Variants in TMPRSS11A observed in about 807,000 individuals in gnomAD.
TMPRSS11A encodes transmembrane protease serine 11A.
TMPRSS11A carries 53 observed loss-of-function variants against 58.9 expected under a neutral mutation model. The observed-to-expected ratio is 0.90, with a 90% CI of 0.72 to 1.13. The LOEUF (loss-of-function observed/expected upper bound fraction) is 1.13. TMPRSS11A is among the 50% of genes most tolerant of loss of function. TMPRSS11A has a pLI of 0.00. For synonymous variants in TMPRSS11A, 167 were observed against 169.8 expected, an observed-to-expected ratio of 0.98 and a Z score of 0.13; for missense variants, 493 against 499.3, an observed-to-expected ratio of 0.99 and a Z score of 0.12.
intron 7 of TMPRSS11A, among the ~76,000 whole-genome samples, chr4:67,921,056 A>G (rs1251820350): frequency 6.6e-6 from 1 of 152,208 alleles, no homozygotes; most frequent in Non-Finnish European, 1.5e-5. Flanking sequence ...TGTTATATGA[A>G]TGAAGAAATA....
chr4:67,918,005 G>A (rs1020141324), intron 8 of TMPRSS11A, among the ~76,000 whole-genome samples: 1 of 152,122 alleles, frequency 6.6e-6, no homozygotes, highest in African/African-American at 2.4e-5. Context: ...TGGGACATCT[G>A]GAAAAAATCT....
intron 1 of TMPRSS11A, among the ~76,000 whole-genome samples, chr4:67,948,422 T>G (rs1171765824): frequency 6.6e-6 from 1 of 152,166 alleles, no homozygotes; most frequent in African/African-American, 2.4e-5. Flanking sequence ...CCTCCCAAAG[T>G]GCTGGGATTA....
At chr4:67,915,286 AG>A (rs1345251411) in intron 8 of TMPRSS11A, among the ~76,000 whole-genome samples, 2 of 152,170 alleles carry the variant, frequency 1.3e-5, no homozygotes, top group African/African-American at 2.4e-5. Context: ...ACTGTAAGCT[AG>A]GTTCTGAGTT....
intron 1 of TMPRSS11A, among the ~76,000 whole-genome samples, chr4:67,955,232 A>G (rs1721256659): frequency 6.6e-6 from 1 of 152,236 alleles, no homozygotes; most frequent in Non-Finnish European, 1.5e-5. Flanking sequence ...ATGCTGTTTA[A>G]TTAGTACAAT....
chr4:67,958,926 G>T (rs551186067), intron 1 of TMPRSS11A, among the ~76,000 whole-genome samples: 1 of 152,246 alleles, frequency 6.6e-6, no homozygotes, highest in South Asian at 2.1e-4. Flanking sequence ...GGTTTTATAA[G>T]AAGCTCTCTT....
At chr4:67,929,243 T>G (rs745520970) in intron 5 of TMPRSS11A, among the ~76,000 whole-genome samples, 1 of 152,084 alleles carries the variant, frequency 6.6e-6, no homozygotes, top group Non-Finnish European at 1.5e-5. Context: ...GCCATAGAGA[T>G]AGACCTTGAT....
intron 1 of TMPRSS11A, among the ~76,000 whole-genome samples, chr4:67,949,078 T>C (rs1398619051): frequency 6.6e-6 from 1 of 152,160 alleles, no homozygotes. Context: ...TCAAGTCATT[T>C]GAAAAGAAAA....
At position 67,911,342 on chromosome 4, in the gene TMPRSS11A, T is replaced by C; in HGVS notation, c.1257A>G (p.Ter419=). The change falls in exon 10 of 10, where the codon TAA becomes TAG. Residue 419 remains the stop codon, a stop_retained_variant. Transcript: ENST00000508048. ...TTCTTTGTTTAACTTTTATCGTGAA[T>C]TAGATGCCTGTTTTTGAAGCAATCC... ...RNWIASKTGI[*] 1 of 1,612,962 alleles carries C rather than the reference T, an allele frequency of 6.2e-7. No homozygotes were observed. Among genetic ancestry groups the C allele is most frequent in the South Asian group, 1.1e-5 (1 of 90,928 alleles).
chr4:67,921,244 G>A (rs950444426), intron 7 of TMPRSS11A, among the ~76,000 whole-genome samples: 1 of 152,180 alleles, frequency 6.6e-6, no homozygotes, highest in African/African-American at 2.4e-5. Flanking sequence ...CCAGACACCA[G>A]CATAAGGGAT....
chr4:67,914,321 C>A (rs1259053422), intron 9 of TMPRSS11A, among the ~76,000 whole-genome samples: 2 of 152,082 alleles, frequency 1.3e-5, no homozygotes, highest in East Asian at 3.9e-4. Flanking sequence ...TGAATGTGAG[C>A]CGCTTGAGAA....
At position 67,929,900 on chromosome 4, in the gene TMPRSS11A, G is replaced by A. The variant is rs766407017; in HGVS notation, c.461C>T (p.Ala154Val). ...CTTACCATTAACTTGAACTGATGAG[G>A]CATTTATTGGCAAGGCTCTTAAATT... ...IRNLRALPIN[A>V]SSVQVNAMSS... Residue 154 changes from alanine to valine, a missense_variant, in exon 5 of 10, where the codon GCC (alanine) becomes GTC (valine). Transcript: ENST00000508048. 6.2e-7 allele frequency: 1 copy of A among 1,612,586 alleles called. No homozygotes were observed. Among genetic ancestry groups the A allele is most frequent in the Non-Finnish European group, 8.5e-7 (1 of 1,179,044 alleles).
At position 67,954,147 on chromosome 4, in the gene TMPRSS11A, A is replaced by T. The variant is rs1485610772; in HGVS notation, c.12-7576T>A. Among the ~76,000 whole-genome samples the T allele has an allele frequency of 8.5e-5, 13 of 152,228 alleles. 1 individual carries two copies. The highest frequency in any genetic ancestry group is 6.5e-4 in the Admixed American group (10 of 15,286). ...AAATACTTCATTTCCTCACCTATCT[A>T]GAAAAATGCCTTCATCCTGGTCCCA... On this transcript the variant is annotated intron_variant, in intron 1 of 9. Transcript: ENST00000508048.
Position 67,909,920 on chromosome 4 carries a change from G to T in TMPRSS11A, c.*1422C>A, listed in dbSNP as rs1302258938. On this transcript the variant is annotated 3_prime_UTR_variant, in exon 10 of 10. Coordinates refer to ENST00000508048, the MANE Select transcript of TMPRSS11A (RefSeq NM_001114387.2). ...ATGAGTGAACTGCATATCTCTTTTAGATATTTTAGGATTATTTTCATGCCT... is the reference window on the plus strand; with the variant it reads ...ATGAGTGAACTGCATATCTCTTTTATATATTTTAGGATTATTTTCATGCCT... The T allele has an allele frequency of 2.0e-5, 3 of 151,948 alleles. No homozygotes were observed. Among genetic ancestry groups the T allele is most frequent in the Non-Finnish European group, 2.9e-5 (2 of 67,928 alleles). The allele number at this position is 151,948 out of a possible 1,614,324, so 9.4% of individuals were successfully genotyped here. A position where few individuals can be genotyped will look rare whatever the true frequency, so the allele number is the denominator to read the frequency against.
intron 1 of TMPRSS11A, among the ~76,000 whole-genome samples, chr4:67,952,111 G>A (rs1456830984): frequency 1.3e-5 from 2 of 152,206 alleles, no homozygotes; most frequent in Non-Finnish European, 2.9e-5. Flanking sequence ...AGGAAGTGCT[G>A]ACTTTGTAGG....
chr4:67,936,599 A>G (rs1255388904), intron 3 of TMPRSS11A, among the ~76,000 whole-genome samples: 2 of 152,254 alleles, frequency 1.3e-5, no homozygotes, highest in East Asian at 3.9e-4. Context: ...AGATCATCAA[A>G]TGGGATGTGA....
rs751286914 is a variant in TMPRSS11A, at chr4:67,946,517, A to C, written c.66T>G (p.Val22=). Residue 22 remains valine (V), a synonymous_variant, in exon 2 of 10, where the codon GTT becomes GTG. Coordinates refer to ENST00000508048, the MANE Select transcript of TMPRSS11A (RefSeq NM_001114387.2). ...CCACTGTCAGGGACAACACAATGAG[A>C]ACGGCAATCATCCATGGCTTCAGAT... The part of the protein sequence containing the change: ...SRNLKPWMIA[V]LIVLSLTVVA... 1.2e-5 allele frequency: 19 copies of C among 1,612,642 alleles called. No individual in the cohort carries two copies. The African/African-American group carries it at 2.1e-4, about 18-fold the overall frequency.
Position 67,963,400 on chromosome 4 carries a change from G to A in TMPRSS11A, c.-7C>T, listed in dbSNP as rs1285746921. 2.5e-5 allele frequency: 41 copies of A among 1,613,506 alleles called. No homozygotes were observed. The highest frequency in any genetic ancestry group is 3.4e-5 in the Non-Finnish European group (40 of 1,179,836). ...GAACTTACCGATACATCATGTACAG[G>A]AGGAAGAATATGATCTTGCAGGTCT... is the stretch of plus-strand genomic sequence containing the variant. On this transcript the variant is annotated 5_prime_UTR_variant, in exon 1 of 10. Coordinates refer to ENST00000508048, the MANE Select transcript of TMPRSS11A (RefSeq NM_001114387.2).
In TMPRSS11A at chr4:67,922,742, G is replaced by C. The variant is rs922290154; in HGVS notation, c.692+13C>G. On this transcript the variant is annotated intron_variant, in intron 7 of 9. Coordinates refer to ENST00000508048, the MANE Select transcript of TMPRSS11A (RefSeq NM_001114387.2). ...TAGCAGAAGTGGGTTCTAACTTAAG[G>C]TCAATAACTTACTTCTGGAAGCAGT... The C allele has an allele frequency of 1.2e-6, 2 of 1,611,830 alleles. No individual in the cohort carries two copies. Among genetic ancestry groups the C allele is most frequent in the African/African-American group, 1.3e-5 (1 of 74,964 alleles).
intron 1 of TMPRSS11A, among the ~76,000 whole-genome samples, chr4:67,948,935 C>T (rs1721091125): frequency 1.3e-5 from 1 of 76,376 alleles, no homozygotes; most frequent in Non-Finnish European, 4.7e-5. Context: ...AATTTATTCT[C>T]GGTGCCCCTC....
Sources: gnomAD v4.1 joint callset for allele counts (sites outside exome capture counted in the v4.1 genomes callset) on GRCh38, gnomAD v4.1.1 for gene constraint, MANE v1.5 for transcripts, NCBI Gene and HGNC (gene_info 2026-07-23, HGNC 2026-07-21) for gene names.